CACNA1C: variants seen among roughly 807,000 people sequenced by gnomAD.
CACNA1C encodes the protein calcium voltage-gated channel subunit alpha1 C.
A neutral mutation model predicts 229.0 loss-of-function variants in CACNA1C; 30 were observed. The ratio of observed to expected loss-of-function variants is 0.13; its 90% CI spans 0.10 to 0.18. The LOEUF is 0.18. CACNA1C is among the 10% of genes least tolerant of loss of function. The pLI is 1.00. For synonymous variants in CACNA1C, 1,114 were observed against 1,132.5 expected (o/e 0.98, Z 0.33); for missense variants, 1,658 against 2,845.0 (o/e 0.58, Z 9.49).
chr12:2,643,254 G>A (rs766556453), intron 30 of CACNA1C, among the ~76,000 whole-genome samples: 11 of 152,172 alleles, frequency 7.2e-5, no homozygotes, highest in Admixed American at 7.2e-4. Context: ...TTCCGACCTG[G>A]GGGTGGTGGC....
At chr12:1,981,178 T>G (rs1007726903) in intron 1 of CACNA1C, among the ~76,000 whole-genome samples, 8 of 152,132 alleles carry the variant, frequency 5.3e-5, no homozygotes, top group African/African-American at 1.7e-4. Flanking sequence ...TAAAGTAACC[T>G]TGAGAAGCTG....
chr12:2,495,170 A>G (rs1435636612), intron 7 of CACNA1C, among the ~76,000 whole-genome samples: 1 of 152,248 alleles, frequency 6.6e-6, no homozygotes, highest in Non-Finnish European at 1.5e-5. Flanking sequence ...AATTTGTAAG[A>G]CAGAAGGAAT....
At chr12:2,175,058 T>C (rs929249598) in intron 3 of CACNA1C, among the ~76,000 whole-genome samples, 4 of 152,134 alleles carry the variant, frequency 2.6e-5, no homozygotes, top group African/African-American at 9.7e-5. Context: ...AAACCTGTGT[T>C]GTTCAAGGTC....
chr12:2,302,738 T>A (rs974331345), intron 3 of CACNA1C, among the ~76,000 whole-genome samples: 1 of 152,252 alleles, frequency 6.6e-6, no homozygotes, highest in African/African-American at 2.4e-5. Flanking sequence ...TTGAACATGT[T>A]GACTCTTACA....
In CACNA1C at chr12:2,152,889, G is replaced by A. The variant is rs991451237; in HGVS notation, c.477+32459G>A. Among the ~76,000 whole-genome samples, 9 of 152,198 alleles carry A rather than the reference G, an allele frequency of 5.9e-5. No individual in the cohort carries two copies. Among genetic ancestry groups the A allele is most frequent in the East Asian group, 3.9e-4 (2 of 5,180 alleles). ...GTCCCACTGGTCCCGAGTGTCCTAC[G>A]GCCCTTTATATTGGATAATATTGGA... On this transcript the variant is annotated intron_variant, in intron 3 of 46. Coordinates refer to ENST00000399655, the MANE Select transcript of CACNA1C (RefSeq NM_000719.7). This position sits in a 1 kb window ranked among gnomAD's most constrained non-coding sequence, Gnocchi z 4.2.
chr12:2,420,401 TAGAC>T (rs764726735), intron 3 of CACNA1C, among the ~76,000 whole-genome samples: 2 of 152,098 alleles, frequency 1.3e-5, no homozygotes, highest in Non-Finnish European at 2.9e-5. Flanking sequence ...CCACCTTCAT[TAGAC>T]AGAGCTGCCA....
intron 7 of CACNA1C, among the ~76,000 whole-genome samples, chr12:2,494,624 A>G (rs2099743008): frequency 6.6e-6 from 1 of 152,238 alleles, no homozygotes; most frequent in Non-Finnish European, 1.5e-5. Flanking sequence ...GAGCTGCCAG[A>G]TCAAAAGGAA....
At chr12:2,672,744 T>C (rs1181649461) in intron 38 of CACNA1C, among the ~76,000 whole-genome samples, 1 of 152,232 alleles carries the variant, frequency 6.6e-6, no homozygotes, top group African/African-American at 2.4e-5. Flanking sequence ...GAAAATCCTA[T>C]TTCCAACTAA....
chr12:2,152,331 T>G lies in CACNA1C; in HGVS notation c.477+31901T>G, dbSNP rs1055686489. On this transcript the variant is annotated intron_variant, in intron 3 of 46. Transcript: ENST00000399655. The surrounding 1 kb of genome is among the most constrained non-coding windows in gnomAD (Gnocchi z 4.2). ...ATCCTCCCTTGTGGCTAAGTGAGGT[T>G]TTGTGACTAAGTTCTAGATAGTAGG... Among the ~76,000 whole-genome samples the G allele has an allele frequency of 2.6e-5, 4 of 152,208 alleles. No homozygotes were observed. The highest frequency in any genetic ancestry group is 9.6e-5 in the African/African-American group (4 of 41,454).
At chr12:2,092,710 T>C (rs2071787561) in intron 1 of CACNA1C, among the ~76,000 whole-genome samples, 1 of 152,192 alleles carries the variant, frequency 6.6e-6, no homozygotes, top group African/African-American at 2.4e-5. Flanking sequence ...TTAGTAAGCA[T>C]GCATTAGTAT....
At chr12:2,576,195 C>T (rs992756280) in intron 13 of CACNA1C, among the ~76,000 whole-genome samples, 4 of 152,054 alleles carry the variant, frequency 2.6e-5, no homozygotes, top group Admixed American at 1.3e-4. Flanking sequence ...AACAGGGAGC[C>T]GAGTGGGTCA....
chr12:2,197,825 A>G (rs1598813221), intron 3 of CACNA1C, among the ~76,000 whole-genome samples: 1 of 152,192 alleles, frequency 6.6e-6, no homozygotes, highest in African/African-American at 2.4e-5. Flanking sequence ...GGACCCTTTA[A>G]TAGAACCAGA....
chr12:2,089,417 C>T (rs529738946), intron 1 of CACNA1C, among the ~76,000 whole-genome samples: 28 of 152,254 alleles, frequency 1.8e-4, no homozygotes, highest in Non-Finnish European at 3.2e-4. Context: ...TGCTGGACGC[C>T]GTGCGAGGTA....
intron 18 of CACNA1C, among the ~76,000 whole-genome samples, chr12:2,587,959 G>C (rs1375578071): frequency 1.3e-5 from 2 of 152,138 alleles, no homozygotes; most frequent in Non-Finnish European, 2.9e-5. Flanking sequence ...CCTCATCCAG[G>C]AGGTCCAAAG....
At chr12:2,598,835 G>C (rs1324799218) in intron 21 of CACNA1C, among the ~76,000 whole-genome samples, 1 of 152,214 alleles carries the variant, frequency 6.6e-6, no homozygotes, top group African/African-American at 2.4e-5. Context: ...TGCCATCCCT[G>C]GTTCCTGCTA....
At chr12:2,028,684 T>C (rs1298797412) in intron 1 of CACNA1C, among the ~76,000 whole-genome samples, 8 of 152,186 alleles carry the variant, frequency 5.3e-5, no homozygotes, top group Admixed American at 2.0e-4. Flanking sequence ...ATCAAATCTC[T>C]ACTCCACCGA....
At chr12:2,154,466 C>A (rs977219362) in intron 3 of CACNA1C, among the ~76,000 whole-genome samples, 1 of 152,212 alleles carries the variant, frequency 6.6e-6, no homozygotes, top group Non-Finnish European at 1.5e-5. Flanking sequence ...AGCCTGGCGC[C>A]CACTTAACAA....
chr12:2,409,696 G>A (rs967447205), intron 3 of CACNA1C, among the ~76,000 whole-genome samples: 3 of 152,162 alleles, frequency 2.0e-5, no homozygotes, highest in African/African-American at 4.8e-5. Flanking sequence ...CCACTTCCTC[G>A]CAGTCCCCCC....
In CACNA1C at chr12:2,172,630, G is replaced by A. The variant is rs118157555; in HGVS notation, c.477+52200G>A. ...CATCCAACGTTAAGATAAGGCTCCC[G>A]TCTTTCTCTTGTCTTTATCTCTGAC... On this transcript the variant is annotated intron_variant, in intron 3 of 46. Transcript: ENST00000399655. 8.3e-4 allele frequency among the ~76,000 whole-genome samples: 126 copies of A among 152,294 alleles called. 2 individuals carry two copies. The East Asian group carries it at 0.022, about 27-fold the overall frequency.
Sources: allele counts gnomAD v4.1 joint callset (sites outside exome capture counted in the v4.1 genomes callset), GRCh38; gene constraint gnomAD v4.1.1; non-coding constraint Gnocchi (gnomAD v3.1); transcripts MANE v1.5; gene names NCBI Gene and HGNC (gene_info 2026-07-23, HGNC 2026-07-21).